MORC1: variants seen among roughly 807,000 people sequenced by gnomAD.
MORC1 encodes MORC family CW-type zinc finger protein 1.
A neutral mutation model predicts 134.9 loss-of-function variants in MORC1; 59 were observed. That is an observed-to-expected ratio of 0.44 (90% confidence interval 0.35 to 0.54). The LOEUF (loss-of-function observed/expected upper bound fraction) is 0.54, where lower values mean the gene tolerates loss of function less well. MORC1 is among the 20% of genes least tolerant of loss of function. The probability of loss-of-function intolerance (pLI) is 0.00; values close to 1 mark genes in which losing one functional copy is unlikely to be tolerated. For missense variants in MORC1, 947 were observed against 1,134.5 expected, an observed-to-expected ratio of 0.83 and a Z score of 2.37; for synonymous variants, 395 against 391.7, an observed-to-expected ratio of 1.01 and a Z score of -0.10.
intron 26 of MORC1, among the ~76,000 whole-genome samples, chr3:108,968,956 T>TTC (rs1947293904): frequency 3.7e-5 from 2 of 53,502 alleles, no homozygotes; most frequent in South Asian, 1.1e-3. Flanking sequence ...AGTACCAGGG[T>TTC]TTTTTTTTTT....
intron 14 of MORC1, among the ~76,000 whole-genome samples, chr3:109,038,923 T>C (rs112546231): frequency 0.2 from 31,007 of 152,074 alleles, 3,505 homozygotes; most frequent in Middle Eastern, 0.33. Context: ...CTATACAGGC[T>C]CTTTTTTTGT....
At chr3:109,006,099 G>A (rs959354545) in intron 18 of MORC1, among the ~76,000 whole-genome samples, 1 of 152,156 alleles carries the variant, frequency 6.6e-6, no homozygotes, top group Non-Finnish European at 1.5e-5. Flanking sequence ...CAAATTACTT[G>A]CAGGTGATTT....
Position 109,057,396 on chromosome 3 carries a change from G to A in MORC1, c.1122C>T (p.Asn374=). Residue 374 remains asparagine, a synonymous_variant, in exon 13 of 28, where the codon AAC becomes AAT. Transcript: ENST00000232603. ...SQAGMFIYSN[N]RLIKMHEKVG... Reference sequence around the variant, plus strand: ...CTTTTTCATGCATTTTGATCAAACGGTTATTACTGTAAATGAACATTCCAG... The same window carrying A: ...CTTTTTCATGCATTTTGATCAAACGATTATTACTGTAAATGAACATTCCAG... 6.2e-7 allele frequency: 1 copy of A among 1,611,646 alleles called. No homozygotes were observed. Among genetic ancestry groups the A allele is most frequent in the Non-Finnish European group, 8.5e-7 (1 of 1,178,816 alleles).
At chr3:109,104,946 T>C in intron 3 of MORC1, among the ~76,000 whole-genome samples, 1 of 152,076 alleles carries the variant, frequency 6.6e-6, no homozygotes, top group East Asian at 1.9e-4. Context: ...CCTCAAATGT[T>C]TCCTCCTGAC....
chr3:108,961,850 G>A (rs1054505946), intron 27 of MORC1, among the ~76,000 whole-genome samples: 2 of 152,124 alleles, frequency 1.3e-5, no homozygotes, highest in Admixed American at 6.5e-5. Context: ...AGCCTAACGT[G>A]GATTTGCTAT....
intron 12 of MORC1, among the ~76,000 whole-genome samples, chr3:109,059,413 A>C (rs1389496089): frequency 1.3e-5 from 2 of 152,166 alleles, no homozygotes; most frequent in African/African-American, 4.8e-5. Context: ...TACTAGACAA[A>C]GGGAAGAAAC....
At chr3:109,008,928 C>T (rs192841430) in intron 17 of MORC1, among the ~76,000 whole-genome samples, 17 of 152,256 alleles carry the variant, frequency 1.1e-4, no homozygotes, top group African/African-American at 4.1e-4. Context: ...TTGAGGCAAA[C>T]GTCAAACTAC....
rs753520682 is a variant in MORC1 at position 109,004,830 on chromosome 3, A to G, written c.2072T>C (p.Leu691Pro). Residue 691 changes from leucine (L) to proline (P), a missense_variant, in exon 20 of 28, where the codon CTG becomes CCG. Leu to Pro is a moderately conservative substitution (Grantham distance 98, BLOSUM62 -3). Transcript: ENST00000232603. ...VWRAQPTEGCLKNAQAASWEM... is the reference protein window; with the variant it reads ...VWRAQPTEGCPKNAQAASWEM... ...GCCTTTTCCCACCTGGGCATTCTTC[A>G]GGCACCCTTCAGTTGGTTGAGCTCT... 3.7e-6 allele frequency: 6 copies of G among 1,613,798 alleles called. No homozygotes were observed. Among genetic ancestry groups the G allele is most frequent in the Non-Finnish European group, 5.1e-6 (6 of 1,179,850 alleles).
At chr3:109,095,350 T>C (rs959811902) in intron 6 of MORC1, among the ~76,000 whole-genome samples, 1 of 152,020 alleles carries the variant, frequency 6.6e-6, no homozygotes, top group Non-Finnish European at 1.5e-5. Context: ...AATCAGCATT[T>C]TAAAAGTTGA....
At chr3:109,042,190 T>C (rs1041090576) in intron 14 of MORC1, among the ~76,000 whole-genome samples, 23 of 152,300 alleles carry the variant, frequency 1.5e-4, no homozygotes, top group African/African-American at 5.5e-4. Flanking sequence ...GAAAAGAATA[T>C]GGTAGTTCCT....
chr3:108,992,409 C>T (rs1395378149), intron 21 of MORC1, among the ~76,000 whole-genome samples: 2 of 152,108 alleles, frequency 1.3e-5, no homozygotes, highest in Non-Finnish European at 2.9e-5. Context: ...CATATTCTTC[C>T]TTCCTCTGAA....
chr3:109,094,950 G>C lies in MORC1; in HGVS notation c.542C>G (p.Ala181Gly), dbSNP rs141767403. The change falls in exon 7 of 28, where the codon GCA (alanine) becomes GGA (glycine). Residue 181 changes from alanine to glycine, a missense_variant. Around this residue, in one of 3 missense-constraint regions of MORC1, gnomAD observed 214 missense variants for 281.3 expected, o/e 0.76. Coordinates refer to ENST00000232603, the MANE Select transcript of MORC1 (RefSeq NM_014429.4). ...IYKYSPFKTE[A>G]ELMQQFDVIY... ...CACATCAAACTGCTGCATCAATTCTGCTTCAGTTTTAAATGGGGAGTATTT... is the reference window on the plus strand; with the variant it reads ...CACATCAAACTGCTGCATCAATTCTCCTTCAGTTTTAAATGGGGAGTATTT... 5 of 1,586,282 alleles carry C rather than the reference G, an allele frequency of 3.2e-6. No individual in the cohort carries two copies. The highest frequency in any genetic ancestry group is 4.3e-6 in the Non-Finnish European group (5 of 1,172,252).
chr3:109,117,516 G>C (rs924508258), intron 1 of MORC1, among the ~76,000 whole-genome samples: 1 of 152,256 alleles, frequency 6.6e-6, no homozygotes, highest in Admixed American at 6.5e-5. Flanking sequence ...AGGCAGACAG[G>C]CATGGCAGAG....
intron 20 of MORC1, 116 bp from the exon 21 acceptor site, chr3:109,000,774 T>C: frequency 4.2e-6 from 3 of 718,342 alleles, no homozygotes; most frequent in Middle Eastern, 4.9e-4. Flanking sequence ...GTAGGATATA[T>C]AGCGAAAATT....
chr3:108,995,923 G>A (rs372871700), intron 21 of MORC1, among the ~76,000 whole-genome samples: 1 of 152,290 alleles, frequency 6.6e-6, no homozygotes, highest in East Asian at 1.9e-4. Flanking sequence ...CCTGAGTAAA[G>A]TGTATTTATG....
At chr3:109,102,052 T>A (rs111569124) in intron 4 of MORC1, among the ~76,000 whole-genome samples, 1 of 152,184 alleles carries the variant, frequency 6.6e-6, no homozygotes, top group Non-Finnish European at 1.5e-5. Flanking sequence ...GAGAAACAGA[T>A]TGAAAGTAAA....
At chr3:109,056,368 C>G (rs1427811102) in intron 13 of MORC1, among the ~76,000 whole-genome samples, 1 of 152,136 alleles carries the variant, frequency 6.6e-6, no homozygotes, top group Non-Finnish European at 1.5e-5. Flanking sequence ...GCTGAGACCA[C>G]AGGTGCCCGC....
intron 9 of MORC1, among the ~76,000 whole-genome samples, chr3:109,068,353 C>T (rs1375514071): frequency 6.6e-6 from 1 of 152,106 alleles, no homozygotes; most frequent in Non-Finnish European, 1.5e-5. Context: ...TATCCCTTGC[C>T]CCTCTCCCAC....
intron 2 of MORC1, among the ~76,000 whole-genome samples, chr3:109,113,350 T>TA: frequency 6.6e-6 from 1 of 152,292 alleles, no homozygotes; most frequent in Middle Eastern, 3.4e-3. Context: ...GAGAGTTTCC[T>TA]AAAAGGAGGA....
Sources: allele counts gnomAD v4.1 joint callset (sites outside exome capture counted in the v4.1 genomes callset), GRCh38; gene constraint gnomAD v4.1.1; regional missense constraint gnomAD v4.1.1; transcripts MANE v1.5; gene names NCBI Gene and HGNC (gene_info 2026-07-23, HGNC 2026-07-21).